The following ITIH2 variants were observed in gnomAD, a reference collection of about 807,000 sequenced individuals.
ITIH2 encodes the protein inter-alpha-trypsin inhibitor heavy chain 2.
A neutral mutation model predicts 104.4 loss-of-function variants in ITIH2; 103 were observed. The ratio of observed to expected loss-of-function variants is 0.99; its 90% CI spans 0.84 to 1.16. The LOEUF is 1.16. ITIH2 is among the 50% of genes most tolerant of loss of function. The probability of loss-of-function intolerance (pLI) is 0.00; values close to 1 mark genes in which losing one functional copy is unlikely to be tolerated. For missense variants in ITIH2, 1,108 were observed against 1,162.4 expected (o/e 0.95, Z 0.68); for synonymous variants, 436 against 435.4 (o/e 1.00, Z -0.02).
chr10:7,716,836 C>A (rs1015503469), intron 5 of ITIH2, among the ~76,000 whole-genome samples: 2 of 151,780 alleles, frequency 1.3e-5, no homozygotes, highest in African/African-American at 4.8e-5. Flanking sequence ...CTATAGTGAG[C>A]CTCAAATGCA....
chr10:7,729,757 A>G (rs1320285650), intron 11 of ITIH2, 195 bp from the exon 12 acceptor site: 1 of 469,664 alleles, frequency 2.1e-6, no homozygotes, highest in East Asian at 3.3e-5. Context: ...TAATGTTGCT[A>G]TGCAACACAA....
chr10:7,747,910 A>G (rs1835195003), intron 20 of ITIH2, among the ~76,000 whole-genome samples: 1 of 151,880 alleles, frequency 6.6e-6, no homozygotes, highest in Non-Finnish European at 1.5e-5. Context: ...AAATAAATAC[A>G]TAATATATAA....
intron 5 of ITIH2, 53 bp downstream of exon 5, chr10:7,713,338 TC>T (rs1834815822): frequency 1.4e-6 from 2 of 1,384,984 alleles, no homozygotes; most frequent in African/African-American, 2.8e-5. Flanking sequence ...CGGTTTCCTC[TC>T]CTACTTCCTT....
intron 20 of ITIH2, 48 bp downstream of exon 20, chr10:7,746,752 T>C (rs1835181932): frequency 1.7e-6 from 2 of 1,167,550 alleles, no homozygotes. Context: ...TGTGTTAGAA[T>C]TAGACCCACA....
At position 7,717,210 on chromosome 10, in the gene ITIH2, C is replaced by T. The variant is rs1036717045; in HGVS notation, c.468-416C>T. Among the ~76,000 whole-genome samples the T allele has an allele frequency of 2.3e-4, 35 of 152,288 alleles. 1 individual carries two copies. Among genetic ancestry groups the T allele is most frequent in the Non-Finnish European group, 7.4e-5 (5 of 68,008 alleles). On this transcript the variant is annotated intron_variant, in intron 5 of 20. Transcript: ENST00000358415. ...CTCGTGATCCGCCTGCCTCGGCCTC[C>T]CAAAGTGCTGGGATTACAGGCATGA...
At chr10:7,741,247 C>T (rs1051535335) in intron 16 of ITIH2, among the ~76,000 whole-genome samples, 2 of 142,882 alleles carry the variant, frequency 1.4e-5, no homozygotes, top group African/African-American at 2.6e-5. Context: ...GGCTCGATCT[C>T]GGCTCACTGC....
intron 6 of ITIH2, among the ~76,000 whole-genome samples, chr10:7,720,514 A>G (rs1234657714): frequency 6.6e-6 from 1 of 152,210 alleles, no homozygotes; most frequent in Non-Finnish European, 1.5e-5. Flanking sequence ...ATGCAGTGCT[A>G]TTTAACAATG....
intron 11 of ITIH2, 71 bp downstream of exon 11, chr10:7,727,899 A>AATT: frequency 6.5e-7 from 1 of 1,549,056 alleles, no homozygotes; most frequent in South Asian, 1.1e-5. Flanking sequence ...GTTTGCCTAA[A>AATT]AGGGGAACTC....
At chr10:7,722,342 A>G (rs1834912248) in intron 8 of ITIH2, among the ~76,000 whole-genome samples, 1 of 152,112 alleles carries the variant, frequency 6.6e-6, no homozygotes, top group Non-Finnish European at 1.5e-5. Context: ...TGGATGCTGT[A>G]GTTTCCTGGA....
intron 14 of ITIH2, 86 bp downstream of exon 14, chr10:7,732,563 T>C: frequency 5.5e-6 from 8 of 1,458,662 alleles, no homozygotes; most frequent in Non-Finnish European, 7.5e-6. Flanking sequence ...CAAAAAGAGT[T>C]TGGAAGCAAG....
chr10:7,748,681 A>G (rs1835204972), intron 20 of ITIH2, among the ~76,000 whole-genome samples: 2 of 151,166 alleles, frequency 1.3e-5, no homozygotes, highest in South Asian at 4.2e-4. Context: ...AGCTGGGACT[A>G]CAGGCGTACA....
At chr10:7,717,117 C>A (rs978809215) in intron 5 of ITIH2, among the ~76,000 whole-genome samples, 1 of 152,070 alleles carries the variant, frequency 6.6e-6, no homozygotes, top group Non-Finnish European at 1.5e-5. Flanking sequence ...CCATGCCCAG[C>A]TAATTTTTGT....
intron 10 of ITIH2, 97 bp downstream of exon 10, chr10:7,727,215 C>T (rs1834959045): frequency 2.0e-6 from 2 of 1,009,442 alleles, no homozygotes; most frequent in South Asian, 1.7e-5. Context: ...GGTCTTTCCC[C>T]AGCATTCGAG....
chr10:7,715,623 T>TGACA (rs1834841126), intron 5 of ITIH2, among the ~76,000 whole-genome samples: 1 of 152,174 alleles, frequency 6.6e-6, no homozygotes, highest in Non-Finnish European at 1.5e-5. Flanking sequence ...TCTCAAAGCT[T>TGACA]TGCACGAGGC....
chr10:7,707,416 C>G (rs1834757891), intron 3 of ITIH2, among the ~76,000 whole-genome samples, 183 bp downstream of exon 3: 2 of 152,104 alleles, frequency 1.3e-5, no homozygotes, highest in African/African-American at 4.8e-5. Flanking sequence ...TCTTTACAGA[C>G]AGGAGAGAGG....
intron 16 of ITIH2, 148 bp from the exon 17 acceptor site, chr10:7,742,998 C>G: frequency 3.5e-6 from 2 of 575,526 alleles, no homozygotes; most frequent in Non-Finnish European, 6.2e-6. Flanking sequence ...ACCACTGGGT[C>G]CCCAAGACCT....
At chr10:7,717,226 A>G (rs1697131356) in intron 5 of ITIH2, among the ~76,000 whole-genome samples, 1 of 152,222 alleles carries the variant, frequency 6.6e-6, no homozygotes, top group Non-Finnish European at 1.5e-5. Flanking sequence ...TGCTGGGATT[A>G]CAGGCATGAA....
At position 7,738,369 on chromosome 10, in the gene ITIH2, C is replaced by A. The variant is rs189517615; in HGVS notation, c.1958-252C>A. ...CCTGCACTGGAGTCACGGGGCCCTTCCCCGGCCCTATAAAGCGGTTCCTCC... is the reference window on the plus strand; with the variant it reads ...CCTGCACTGGAGTCACGGGGCCCTTACCCGGCCCTATAAAGCGGTTCCTCC... On this transcript the variant is annotated intron_variant, in intron 15 of 20. Coordinates refer to ENST00000358415, the MANE Select transcript of ITIH2 (RefSeq NM_002216.3). 3.8e-4 allele frequency among the ~76,000 whole-genome samples: 55 copies of A among 146,642 alleles called. No homozygotes were observed. The East Asian group carries it at 9.8e-3, about 26-fold the overall frequency.
At chr10:7,734,722 A>T (rs575279128) in intron 14 of ITIH2, among the ~76,000 whole-genome samples, 200 bp from the exon 15 acceptor site, 1 of 152,246 alleles carries the variant, frequency 6.6e-6, no homozygotes, top group Admixed American at 6.5e-5. Context: ...TAAATAAGTA[A>T]ATAAATAATG....
Sources: allele counts gnomAD v4.1 joint callset (sites outside exome capture counted in the v4.1 genomes callset), GRCh38; gene constraint gnomAD v4.1.1; transcripts MANE v1.5; gene names NCBI Gene and HGNC (gene_info 2026-07-23, HGNC 2026-07-21).